Variants in ATP6V0E1 observed in about 807,000 individuals in gnomAD.
The protein encoded by ATP6V0E1 is ATPase H+ transporting V0 subunit e1, also known as V-type proton ATPase subunit e 1.
In ATP6V0E1, 4 loss-of-function variants were observed where a neutral mutation model predicts 11.6. The observed-to-expected ratio is 0.35, with a 90% CI of 0.17 to 0.79. The LOEUF (loss-of-function observed/expected upper bound fraction) is 0.79. Ranked by LOEUF, ATP6V0E1 falls within the 30% of genes least tolerant of loss-of-function variation. The pLI is 0.54. For missense variants in ATP6V0E1, 105 were observed against 100.0 expected, an observed-to-expected ratio of 1.05 and a Z score of -0.21; for synonymous variants, 36 against 34.8, an observed-to-expected ratio of 1.04 and a Z score of -0.13.
chr5:173,032,990 G>A (rs370972509), intron 3 of ATP6V0E1, among the ~76,000 whole-genome samples: 80 of 152,328 alleles, frequency 5.3e-4, no homozygotes, highest in Middle Eastern at 6.8e-3. Flanking sequence ...CAGCTACTTG[G>A]GAGGCTGAGG....
Position 173,024,076 on chromosome 5 carries a change from T to C in ATP6V0E1, c.*36+3709T>C, listed in dbSNP as rs186945655. Among the ~76,000 whole-genome samples, 928 of 151,390 alleles carry C rather than the reference T, an allele frequency of 6.1e-3. 7 individuals carry two copies. The highest frequency in any genetic ancestry group is 0.031 in the South Asian group (149 of 4,806). ...AGCCAGGCATGGTGGTGGGCGCCTG[T>C]AGTCCCAGCGACTTGGGAAGCTGAG... On this transcript the variant is annotated intron_variant, in intron 3 of 3. Transcript: ENST00000519374.
At position 173,018,265 on chromosome 5, in the gene ATP6V0E1, TAAGG is replaced by T. The variant is rs370012698; in HGVS notation, c.153-1969_153-1966del. On this transcript the variant is annotated intron_variant, in intron 2 of 3. Coordinates refer to ENST00000519374, the MANE Select transcript of ATP6V0E1 (RefSeq NM_003945.4). ...AGAAAAGAAAATGTTAAGAAAATCA[TAAGG>T]AAGAGAAAATATGTTTACTATTATA... 3.7e-3 allele frequency among the ~76,000 whole-genome samples: 566 copies of T among 152,254 alleles called. 2 individuals carry two copies. The highest frequency in any genetic ancestry group is 0.013 in the African/African-American group (542 of 41,556).
intron 2 of ATP6V0E1, among the ~76,000 whole-genome samples, chr5:173,013,574 C>CAAAAAAA (rs35084966): frequency 1.6e-5 from 1 of 61,626 alleles, no homozygotes; most frequent in Admixed American, 1.9e-4. Flanking sequence ...GACTCCATCT[C>CAAAAAAA]AAAAAAAAAA....
At chr5:172,992,338 A>C (rs1755997188) in intron 1 of ATP6V0E1, among the ~76,000 whole-genome samples, 1 of 152,216 alleles carries the variant, frequency 6.6e-6, no homozygotes, top group South Asian at 2.1e-4. Flanking sequence ...GGCGTGAGCC[A>C]CTGCGCCCGG....
chr5:173,024,831 AT>A (rs1396309435), intron 3 of ATP6V0E1, among the ~76,000 whole-genome samples: 11 of 146,680 alleles, frequency 7.5e-5, no homozygotes, highest in Non-Finnish European at 3.0e-5. Context: ...ATTTTATTTT[AT>A]TTTTTTCTTT....
intron 3 of ATP6V0E1, among the ~76,000 whole-genome samples, chr5:173,028,758 C>T (rs1756599175): frequency 6.6e-6 from 1 of 152,226 alleles, no homozygotes. Flanking sequence ...AAGAGCAGTG[C>T]TCACTCCATC....
chr5:173,005,949 T>C (rs977400427), intron 2 of ATP6V0E1, among the ~76,000 whole-genome samples: 3 of 152,218 alleles, frequency 2.0e-5, no homozygotes, highest in Admixed American at 2.0e-4. Context: ...TTTAATTCCA[T>C]GTGGTCAGAA....
At position 173,034,557 on chromosome 5, in the gene ATP6V0E1, T is replaced by C. The variant is rs1000603173; in HGVS notation, c.*195T>C. On this transcript the variant is annotated 3_prime_UTR_variant, in exon 4 of 4. Transcript: ENST00000519374. ...GTGTTTTCCTTTGCCTTTTTTGCAC[T>C]TTGGTGAATTACGTGCCTCCATAAC... 4.5e-6 allele frequency: 3 copies of C among 673,376 alleles called. No homozygotes were observed. The highest frequency in any genetic ancestry group is 8.2e-6 in the Non-Finnish European group (3 of 364,484). 41.7% of individuals were successfully genotyped at this position (673,376 alleles called of 1,614,324 possible).
chr5:173,031,387 T>C (rs1028064732), intron 3 of ATP6V0E1, among the ~76,000 whole-genome samples: 1 of 151,196 alleles, frequency 6.6e-6, no homozygotes, highest in South Asian at 2.1e-4. Flanking sequence ...TCCGACCCTT[T>C]GTCAGTTTTA....
intron 2 of ATP6V0E1, among the ~76,000 whole-genome samples, chr5:173,001,015 A>C (rs923419957): frequency 3.3e-5 from 5 of 152,168 alleles, no homozygotes; most frequent in African/African-American, 1.2e-4. Flanking sequence ...AGTGATCTTT[A>C]AAATAAGTTA....
At chr5:172,986,853 T>TA in intron 1 of ATP6V0E1, 3 of 374,408 alleles carry the variant, frequency 8.0e-6, no homozygotes, top group South Asian at 5.9e-5. Context: ...AGTGGCGTGA[T>TA]ACTGGCTCAC....
intron 2 of ATP6V0E1, among the ~76,000 whole-genome samples, chr5:173,001,574 T>A (rs997811774): frequency 2.6e-5 from 4 of 152,196 alleles, no homozygotes; most frequent in Non-Finnish European, 5.9e-5. Flanking sequence ...CCCAGGGGCC[T>A]GGGTGCACCG....
At chr5:172,984,046 C>G in intron 1 of ATP6V0E1, 82 bp downstream of exon 1, 1 of 1,364,378 alleles carries the variant, frequency 7.3e-7, no homozygotes, top group Non-Finnish European at 1.0e-6. Flanking sequence ...GACCCCCACA[C>G]GGGTCAGAGA....
At chr5:173,034,278 C>T (rs950181547) in intron 3 of ATP6V0E1, 121 bp from the exon 4 acceptor site, 51 of 674,258 alleles carry the variant, frequency 7.6e-5, no homozygotes, top group Admixed American at 1.2e-4. Flanking sequence ...TCCTGTGTTT[C>T]ATATTTTGTT....
intron 2 of ATP6V0E1, among the ~76,000 whole-genome samples, chr5:173,015,307 A>G (rs1756384544): frequency 6.6e-6 from 1 of 152,236 alleles, no homozygotes; most frequent in Admixed American, 6.5e-5. Flanking sequence ...GTGAAATACA[A>G]ATTTAGTCTT....
chr5:173,015,486 C>G (rs1256324532), intron 2 of ATP6V0E1, among the ~76,000 whole-genome samples: 1 of 152,140 alleles, frequency 6.6e-6, no homozygotes, highest in Non-Finnish European at 1.5e-5. Flanking sequence ...TTCAGCCCCA[C>G]AGCCCAACCA....
At chr5:172,991,429 T>C (rs1755976883) in intron 1 of ATP6V0E1, among the ~76,000 whole-genome samples, 1 of 152,146 alleles carries the variant, frequency 6.6e-6, no homozygotes, top group Admixed American at 6.6e-5. Flanking sequence ...TTCTATGAGA[T>C]GGTCTTTTGG....
Position 172,983,915 on chromosome 5 carries a change from T to G in ATP6V0E1, c.55T>G (p.Phe19Val), listed in dbSNP as rs370754384. Residue 19 changes from phenylalanine to valine, a missense_variant, in exon 1 of 4, where the codon TTC becomes GTC. Coordinates refer to ENST00000519374, the MANE Select transcript of ATP6V0E1 (RefSeq NM_003945.4). ...CATTGTGATGAGCGTGTTCTGGGGC[T>G]TCGTCGGCTTCTTGGTGCCTTGGTT... ...PLIVMSVFWGFVGFLVPWFIP... is the reference protein window; with the variant it reads ...PLIVMSVFWGVVGFLVPWFIP... 9 of 1,613,422 alleles carry G rather than the reference T, an allele frequency of 5.6e-6. No homozygotes were observed. The highest frequency in any genetic ancestry group is 1.8e-4 in the Middle Eastern group (1 of 5,656).
intron 2 of ATP6V0E1, among the ~76,000 whole-genome samples, chr5:172,995,154 A>G (rs1053018404): frequency 1.3e-5 from 2 of 152,250 alleles, no homozygotes; most frequent in Non-Finnish European, 1.5e-5. Flanking sequence ...CCCAGGCTGC[A>G]GTGCAGTGGT....
Sources: allele counts gnomAD v4.1 joint callset (sites outside exome capture counted in the v4.1 genomes callset), GRCh38; gene constraint gnomAD v4.1.1; transcripts MANE v1.5; gene names NCBI Gene and HGNC (gene_info 2026-07-23, HGNC 2026-07-21).